The following PCBP3 variants were observed in gnomAD, a reference collection of about 807,000 sequenced individuals.
The protein encoded by PCBP3 is poly(rC)-binding protein 3.
A neutral mutation model predicts 52.7 loss-of-function variants in PCBP3; 25 were observed. That is an observed-to-expected ratio of 0.47 (90% CI 0.35 to 0.66). The LOEUF is 0.66. Ranked by LOEUF, PCBP3 falls within the 30% of genes least tolerant of loss-of-function variation. The pLI, the probability that PCBP3 is intolerant of heterozygous loss-of-function variation, is 0.01. For synonymous variants in PCBP3, 162 were observed against 183.0 expected, an observed-to-expected ratio of 0.89 and a Z score of 0.93; for missense variants, 391 against 490.3, an observed-to-expected ratio of 0.80 and a Z score of 1.91.
At chr21:45,831,953 C>T (rs911859316) in intron 4 of PCBP3, among the ~76,000 whole-genome samples, 2 of 152,128 alleles carry the variant, frequency 1.3e-5, no homozygotes, top group South Asian at 2.1e-4. Flanking sequence ...TCATGTGATC[C>T]TACCACCTCG....
chr21:45,646,080 TCTTTC>T (rs1569069904), intron 1 of PCBP3, among the ~76,000 whole-genome samples: 6 of 118,132 alleles, frequency 5.1e-5, no homozygotes, highest in African/African-American at 1.4e-4. Flanking sequence ...TCTCTCTCTC[TCTTTC>T]TCTCTCTCTC....
chr21:45,753,060 G>T (rs951923316), intron 3 of PCBP3: 38 of 136,168 alleles, frequency 2.8e-4, no homozygotes, highest in African/African-American at 1.0e-3. Flanking sequence ...CCAGGAGGTT[G>T]AGGCTGTAGT....
intron 12 of PCBP3, chr21:45,914,272 T>C (rs1295173331): frequency 3.3e-6 from 2 of 602,102 alleles, no homozygotes; most frequent in East Asian, 3.2e-5. Flanking sequence ...GGCAGGAAGA[T>C]CTGGCTCTGC....
At position 45,790,915 on chromosome 21, in the gene PCBP3, G is replaced by GA. The variant is rs147775340; in HGVS notation, c.-126+35464dup. Among the ~76,000 whole-genome samples, 180 of 152,342 alleles carry GA rather than the reference G, an allele frequency of 1.2e-3. 1 individual carries two copies. Among genetic ancestry groups the GA allele is most frequent in the African/African-American group, 4.2e-3 (176 of 41,590 alleles). On this transcript the variant is annotated intron_variant, in intron 4 of 17. Coordinates refer to ENST00000681687, the MANE Select transcript of PCBP3 (RefSeq NM_001384156.1). ...AAGAGTTTTACTACAAAGGAAAAGA[G>GA]AGTAGTAGGGGGAAGGAAGCCAGTT...
chr21:45,823,444 C>G (rs1437583077), intron 4 of PCBP3, among the ~76,000 whole-genome samples: 1 of 152,224 alleles, frequency 6.6e-6, no homozygotes, highest in Non-Finnish European at 1.5e-5. Flanking sequence ...ATTTAACCCC[C>G]TTGACCTCCC....
chr21:45,662,274 T>G (rs960299749), intron 1 of PCBP3, among the ~76,000 whole-genome samples: 1 of 20,008 alleles, frequency 5.0e-5, no homozygotes, highest in Non-Finnish European at 1.1e-4. Flanking sequence ...TACCTAAGTT[T>G]TTTTTTTTTT....
intron 4 of PCBP3, among the ~76,000 whole-genome samples, chr21:45,783,466 G>A (rs12482405): frequency 0.17 from 24,288 of 146,662 alleles, 2,139 homozygotes; most frequent in Middle Eastern, 0.33. Flanking sequence ...TGGGAAAAGT[G>A]ATTCTCACAA....
intron 16 of PCBP3, among the ~76,000 whole-genome samples, chr21:45,938,553 C>G (rs1296493778): frequency 6.6e-6 from 1 of 152,202 alleles, no homozygotes; most frequent in Non-Finnish European, 1.5e-5. Flanking sequence ...CCTCCTAACC[C>G]CAGTGGCACA....
intron 2 of PCBP3, among the ~76,000 whole-genome samples, chr21:45,676,174 T>G (rs1453671407): frequency 6.6e-6 from 1 of 152,224 alleles, no homozygotes; most frequent in Non-Finnish European, 1.5e-5. Flanking sequence ...CAGACTTGTA[T>G]TTTTGGCATA....
Position 45,652,359 on chromosome 21 carries a change from T to A in PCBP3, c.-279+8491T>A, listed in dbSNP as rs1007464283. On this transcript the variant is annotated intron_variant, in intron 1 of 17. Coordinates refer to ENST00000681687, the MANE Select transcript of PCBP3 (RefSeq NM_001384156.1). ...AAAAGCAGAATAAAATCTTGATAATTCTACTACCCACAGATGACTACTATT... is the reference window on the plus strand; with the variant it reads ...AAAAGCAGAATAAAATCTTGATAATACTACTACCCACAGATGACTACTATT... Among the ~76,000 whole-genome samples, 8 of 152,162 alleles carry A rather than the reference T, an allele frequency of 5.3e-5. 1 individual carries two copies. Among genetic ancestry groups the A allele is most frequent in the Middle Eastern group, 6.9e-3 (2 of 288 alleles).
chr21:45,931,747 A>G (rs528590932), intron 15 of PCBP3, among the ~76,000 whole-genome samples: 1 of 152,136 alleles, frequency 6.6e-6, no homozygotes, highest in African/African-American at 2.4e-5. Context: ...CCTGAAATGA[A>G]TGAACACATC....
intron 2 of PCBP3, among the ~76,000 whole-genome samples, chr21:45,700,434 A>G (rs1428388982): frequency 1.3e-5 from 2 of 152,144 alleles, no homozygotes; most frequent in African/African-American, 4.8e-5. Flanking sequence ...TATTTCCACA[A>G]GGAGCCCTGG....
intron 4 of PCBP3, among the ~76,000 whole-genome samples, chr21:45,807,759 C>CAAA (rs375605912): frequency 1.4e-5 from 2 of 146,830 alleles, no homozygotes; most frequent in African/African-American, 5.0e-5. Flanking sequence ...AAAAACAAAA[C>CAAA]AAAAAAAAAA....
intron 2 of PCBP3, among the ~76,000 whole-genome samples, chr21:45,682,239 C>G (rs972618798): frequency 4.6e-5 from 7 of 152,284 alleles, no homozygotes; most frequent in Admixed American, 1.3e-4. Context: ...GTACTATGAA[C>G]ACCCAGGGAA....
Position 45,917,750 on chromosome 21 carries a change from C to T in PCBP3, c.717+121C>T, listed in dbSNP as rs776392046. The T allele has an allele frequency of 1.9e-5, 16 of 843,164 alleles. No individual in the cohort carries two copies. Among genetic ancestry groups the T allele is most frequent in the Non-Finnish European group, 3.3e-5 (16 of 490,222 alleles). The allele number at this position is 843,164 out of a possible 1,614,324, so 52.2% of individuals were successfully genotyped here. A position where few individuals can be genotyped will look rare whatever the true frequency, so the allele number is the denominator to read the frequency against. ...ACAATAATATTAATCAACTTCTCAG[C>T]GTTCCTGACCTGTGTCGTATCCATA... On this transcript the variant is annotated intron_variant, in intron 13 of 17. Coordinates refer to ENST00000681687, the MANE Select transcript of PCBP3 (RefSeq NM_001384156.1). The surrounding 1 kb of genome is among the most constrained non-coding windows in gnomAD (Gnocchi z 5.3).
intron 2 of PCBP3, among the ~76,000 whole-genome samples, chr21:45,721,311 G>A (rs1292554517): frequency 6.6e-6 from 1 of 151,816 alleles, no homozygotes; most frequent in Non-Finnish European, 1.5e-5. Context: ...TACTCGGGAG[G>A]CTGAGGCATA....
chr21:45,858,704 G>A (rs2094400438), intron 5 of PCBP3: 1 of 152,186 alleles, frequency 6.6e-6, no homozygotes, highest in Admixed American at 6.5e-5. Flanking sequence ...CTTCAGTGAG[G>A]TCTTCCTGAT....
At chr21:45,874,557 G>A (rs1288760549) in intron 5 of PCBP3, among the ~76,000 whole-genome samples, 2 of 149,040 alleles carry the variant, frequency 1.3e-5, no homozygotes, top group African/African-American at 2.5e-5. Context: ...CCGGGCTGGA[G>A]TGCAGTGGCG....
intron 2 of PCBP3, among the ~76,000 whole-genome samples, chr21:45,706,023 C>T (rs1194657548): frequency 6.6e-6 from 1 of 152,212 alleles, no homozygotes; most frequent in African/African-American, 2.4e-5. Context: ...CAGCCTTTCA[C>T]CATTCAAGAC....
Sources: gnomAD v4.1 joint callset for allele counts (sites outside exome capture counted in the v4.1 genomes callset) on GRCh38, gnomAD v4.1.1 for gene constraint, Gnocchi (gnomAD v3.1) non-coding constraint, MANE v1.5 for transcripts, NCBI Gene and HGNC (gene_info 2026-07-23, HGNC 2026-07-21) for gene names.